Variants in TUT4 observed in about 807,000 individuals in gnomAD.
TUT4 encodes terminal uridylyl transferase 4.
TUT4 carries 36 observed loss-of-function variants against 192.2 expected under a neutral mutation model. The observed-to-expected ratio is 0.19, with a 90% CI of 0.14 to 0.25. The LOEUF (loss-of-function observed/expected upper bound fraction) is 0.25. Ranked by LOEUF, TUT4 falls within the 10% of genes least tolerant of loss-of-function variation. The pLI is 1.00. For synonymous variants in TUT4, 618 were observed against 666.0 expected (o/e 0.93, Z 1.11); for missense variants, 1,493 against 1,957.2 (o/e 0.76, Z 4.47).
intron 2 of TUT4, among the ~76,000 whole-genome samples, chr1:52,523,053 C>T (rs1446446808): frequency 4.3e-5 from 5 of 116,186 alleles, no homozygotes; most frequent in African/African-American, 1.6e-4. Context: ...AGTGCAGTGG[C>T]GCGATCCTGG....
At chr1:52,484,090 A>G (rs973376236) in intron 9 of TUT4, among the ~76,000 whole-genome samples, 2 of 152,148 alleles carry the variant, frequency 1.3e-5, no homozygotes, top group Non-Finnish European at 2.9e-5. Flanking sequence ...GGCACACACC[A>G]GTAGTCCTAG....
At chr1:52,461,868 C>T in intron 16 of TUT4, 99 bp from the exon 17 acceptor site, 1 of 726,358 alleles carries the variant, frequency 1.4e-6, no homozygotes. Flanking sequence ...AATTTCCAGC[C>T]ATAAAGCTCT....
intron 1 of TUT4, among the ~76,000 whole-genome samples, chr1:52,532,699 G>A (rs531622267): frequency 1.3e-5 from 2 of 152,038 alleles, no homozygotes; most frequent in South Asian, 2.1e-4. Flanking sequence ...ACTGTGCAAC[G>A]TAAGTACCTC....
chr1:52,522,401 G>A (rs1160995481), intron 2 of TUT4, among the ~76,000 whole-genome samples: 1 of 152,102 alleles, frequency 6.6e-6, no homozygotes, highest in African/African-American at 2.4e-5. Flanking sequence ...CCACGTGTCC[G>A]GTACTACATG....
intron 19 of TUT4, among the ~76,000 whole-genome samples, chr1:52,458,920 A>C (rs146418211): frequency 6.6e-6 from 1 of 152,316 alleles, no homozygotes; most frequent in East Asian, 1.9e-4. Context: ...TTTAATAGCA[A>C]AAAATCAGAA....
At chr1:52,531,457 C>G (rs1571352551) in intron 1 of TUT4, among the ~76,000 whole-genome samples, 1 of 152,190 alleles carries the variant, frequency 6.6e-6, no homozygotes, top group East Asian at 1.9e-4. Flanking sequence ...AGTGAACAAT[C>G]TGATTCGTGT....
chr1:52,491,494 C>T (rs1280139679), intron 7 of TUT4, among the ~76,000 whole-genome samples: 2 of 152,036 alleles, frequency 1.3e-5, no homozygotes, highest in African/African-American at 4.8e-5. Context: ...TCAAGACCAG[C>T]CTGGCCAAGA....
intron 1 of TUT4, among the ~76,000 whole-genome samples, chr1:52,549,061 G>A (rs1351457134): frequency 1.3e-5 from 2 of 152,140 alleles, no homozygotes; most frequent in African/African-American, 4.8e-5. Flanking sequence ...GAATTCTCAA[G>A]ATAAAAGTCT....
chr1:52,428,429 C>A (rs1045002632), intron 28 of TUT4, among the ~76,000 whole-genome samples: 10 of 152,048 alleles, frequency 6.6e-5, no homozygotes, highest in African/African-American at 2.4e-4. Flanking sequence ...AAGTTCAAGA[C>A]CAGCTTGACC....
At chr1:52,469,084 A>C (rs1664972587) in intron 14 of TUT4, among the ~76,000 whole-genome samples, 1 of 152,188 alleles carries the variant, frequency 6.6e-6, no homozygotes, top group African/African-American at 2.4e-5. Flanking sequence ...AGGGCAGTGA[A>C]ACTATTCTGT....
intron 1 of TUT4, among the ~76,000 whole-genome samples, chr1:52,550,732 C>T (rs1033261348): frequency 6.6e-6 from 1 of 152,108 alleles, no homozygotes; most frequent in Non-Finnish European, 1.5e-5. Flanking sequence ...TACGCTCAAG[C>T]AATCCTCTCG....
intron 5 of TUT4, 55 bp downstream of exon 5, chr1:52,496,951 G>C: frequency 6.5e-7 from 1 of 1,526,740 alleles, no homozygotes; most frequent in South Asian, 1.2e-5. Flanking sequence ...TAGTTCAAGA[G>C]GAGCAAGGGA....
chr1:52,457,806 G>T (rs1053595378), intron 20 of TUT4, among the ~76,000 whole-genome samples: 2 of 152,170 alleles, frequency 1.3e-5, no homozygotes, highest in Non-Finnish European at 2.9e-5. Context: ...CTGAGTGAAT[G>T]AGTATAATCT....
At chr1:52,436,627 T>C (rs1653877503) in intron 26 of TUT4, 128 bp downstream of exon 26, 19 of 1,424,980 alleles carry the variant, frequency 1.3e-5, no homozygotes, top group Non-Finnish European at 1.8e-5. Flanking sequence ...TTTATCTCTT[T>C]AAGAAATTGT....
chr1:52,542,626 T>G (rs2149685762), intron 1 of TUT4, among the ~76,000 whole-genome samples: 1 of 152,292 alleles, frequency 6.6e-6, no homozygotes, highest in East Asian at 1.9e-4. Flanking sequence ...AGAAAGAAAC[T>G]ACTTCAATAT....
intron 11 of TUT4, among the ~76,000 whole-genome samples, 168 bp from the exon 12 acceptor site, chr1:52,478,050 T>A (rs1667543562): frequency 6.6e-6 from 1 of 152,194 alleles, no homozygotes; most frequent in Admixed American, 6.5e-5. Flanking sequence ...AAGTCCCAGT[T>A]TACTGACTCC....
Position 52,545,187 on chromosome 1 carries a change from C to T in TUT4, c.-94+7744G>A, listed in dbSNP as rs563206958. 2.6e-5 allele frequency among the ~76,000 whole-genome samples: 4 copies of T among 151,734 alleles called. No homozygotes were observed. The South Asian group carries it at 8.4e-4, about 32-fold the overall frequency. ...GGTCAGGAGTTCAAGACCAGCCTGG[C>T]CAACATGGTGAAATTCCGTCTCTAC... is the stretch of plus-strand genomic sequence containing the variant. On this transcript the variant is annotated intron_variant, in intron 1 of 29. Transcript: ENST00000257177.
chr1:52,465,511 T>C (rs7512768), intron 15 of TUT4, among the ~76,000 whole-genome samples: 25,592 of 152,168 alleles, frequency 0.17, 4,558 homozygotes, highest in African/African-American at 0.45. Context: ...ACATCAGAAA[T>C]ACAGGTGCAA....
At chr1:52,472,189 G>A in intron 13 of TUT4, 87 bp from the exon 14 acceptor site, 2 of 1,254,348 alleles carry the variant, frequency 1.6e-6, no homozygotes, top group South Asian at 1.5e-5. Flanking sequence ...AATCTTTTAT[G>A]TAACTCAGTT....
Sources: gnomAD v4.1 joint callset for allele counts (sites outside exome capture counted in the v4.1 genomes callset) on GRCh38, gnomAD v4.1.1 for gene constraint, MANE v1.5 for transcripts, NCBI Gene and HGNC (gene_info 2026-07-23, HGNC 2026-07-21) for gene names.